The following ACOT11 variants were observed in gnomAD, a reference collection of about 807,000 sequenced individuals.
The protein encoded by ACOT11 is acyl-CoA thioesterase 11.
A neutral mutation model predicts 77.5 loss-of-function variants in ACOT11; 69 were observed. The ratio of observed to expected loss-of-function variants is 0.89; its 90% CI spans 0.73 to 1.09. The LOEUF (loss-of-function observed/expected upper bound fraction) is 1.09. Among genes scored for constraint, ACOT11 ranks in the 50% least tolerant of loss-of-function variants. The pLI is 0.00. For synonymous variants in ACOT11, 279 were observed against 313.0 expected (o/e 0.89, Z 1.15); for missense variants, 766 against 813.7 (o/e 0.94, Z 0.71).
At chr1:54,611,751 GAC>G (rs768533521), downstream of ACOT11, 2 of 1,613,968 alleles carry the variant, frequency 1.2e-6, no homozygotes, top group Admixed American at 1.7e-5. Context: ...TGTACCTGGG[GAC>G]ACGAGAGCTG....
At chr1:54,557,037 C>G (rs1351564241) in intron 1 of ACOT11, among the ~76,000 whole-genome samples, 1 of 152,072 alleles carries the variant, frequency 6.6e-6, no homozygotes, top group African/African-American at 2.4e-5. Context: ...TCCCAAGTAG[C>G]TGAGACTACA....
intron 9 of ACOT11, among the ~76,000 whole-genome samples, chr1:54,602,040 G>A (rs767238789): frequency 3.9e-5 from 6 of 152,258 alleles, no homozygotes; most frequent in African/African-American, 9.6e-5. Context: ...AGAGGGTAGC[G>A]TGGGCTGTGG....
intron 1 of ACOT11, among the ~76,000 whole-genome samples, chr1:54,581,816 C>T (rs551473997): frequency 6.6e-6 from 1 of 152,206 alleles, no homozygotes; most frequent in African/African-American, 2.4e-5. Flanking sequence ...GCTCTGGAGC[C>T]CCATTGGCCA....
rs1034181364 is a variant in ACOT11, at chr1:54,627,804, C to T, written c.1630-2930C>T. On this transcript the variant is annotated intron_variant, in intron 15 of 16. Coordinates refer to the ACOT11 transcript ENST00000371316. Reference sequence around the variant, plus strand: ...GGCTGACTCGGAGAACCATCAGGGACGGGGGCTAGGGAAGACCTTCCAGAC... The same window carrying T: ...GGCTGACTCGGAGAACCATCAGGGATGGGGGCTAGGGAAGACCTTCCAGAC... Among the ~76,000 whole-genome samples, 11 of 133,048 alleles carry T rather than the reference C, an allele frequency of 8.3e-5. 4 individuals are homozygous for T. The highest frequency in any genetic ancestry group is 6.2e-4 in the Admixed American group (8 of 12,926). 87.3% of individuals were successfully genotyped at this position (133,048 alleles called of 152,430 possible). A position where few individuals can be genotyped will look rare whatever the true frequency, so the allele number is the denominator to read the frequency against.
chr1:54,560,705 A>G (rs906243676), intron 1 of ACOT11, among the ~76,000 whole-genome samples: 4 of 150,534 alleles, frequency 2.7e-5, no homozygotes, highest in African/African-American at 9.9e-5. Flanking sequence ...CAAAAGAACA[A>G]TGTGTCAACT....
At chr1:54,581,024 T>C (rs1654286780) in intron 1 of ACOT11, among the ~76,000 whole-genome samples, 1 of 152,136 alleles carries the variant, frequency 6.6e-6, no homozygotes, top group South Asian at 2.1e-4. Flanking sequence ...CTGAGAGCAG[T>C]GGGGAGCCAT....
Position 54,637,716 on chromosome 1 carries a change from G to A in ACOT11, c.*2987G>A, listed in dbSNP as rs539911439. 881 of 151,950 alleles carry A rather than the reference G, an allele frequency of 5.8e-3. 6 individuals are homozygous for A. Among genetic ancestry groups the A allele is most frequent in the Middle Eastern group, 0.01 (3 of 292 alleles). 9.4% of individuals were successfully genotyped at this position (151,950 alleles called of 1,614,324 possible). ...GCAGGAGAATTGGTTGAACCCAGGA[G>A]GCAGAGGTTACAGTGAGCAGAGATC... On this transcript the variant is annotated 3_prime_UTR_variant, in exon 17 of 17. Transcript: ENST00000371316.
In ACOT11 at chr1:54,607,145, T is replaced by C; in HGVS notation, c.1382T>C (p.Leu461Pro). Residue 461 changes from leucine to proline, a missense_variant, in exon 14 of 16, where the codon CTA becomes CCA. Leu to Pro is a moderately conservative substitution (Grantham distance 98). Transcript: ENST00000343744. The surrounding 1 kb of genome is among the most constrained non-coding windows in gnomAD (Gnocchi z 4.5). Reference sequence around the variant, plus strand: ...CGGCCTCCCCACAGGAGCGTGGAGCTAGTGCAGCAGGTAGACGAGGACGAC... The same window carrying C: ...CGGCCTCCCCACAGGAGCGTGGAGCCAGTGCAGCAGGTAGACGAGGACGAC... ...EWDKHYRSVE[L>P]VQQVDEDDAI... is the part of the protein sequence containing the mutation. The C allele has an allele frequency of 1.2e-6, 2 of 1,614,072 alleles. No homozygotes were observed. Among genetic ancestry groups the C allele is most frequent in the South Asian group, 1.1e-5 (1 of 91,086 alleles).
rs147370366 is a variant in ACOT11 at position 54,620,036 on chromosome 1, G to A, written c.1630-10698G>A. ...GAAGGAATCCCAAGGGGCTGTTAGC[G>A]TCTGTCCTCGCCCCAGCCCAAGACT... is the stretch of plus-strand genomic sequence containing the variant. On this transcript the variant is annotated intron_variant, in intron 15 of 16. Coordinates refer to the ACOT11 transcript ENST00000371316. 4.9e-4 allele frequency: 783 copies of A among 1,609,974 alleles called. 3 individuals carry two copies. The African/African-American group carries it at 6.8e-3, about 14-fold the overall frequency.
At chr1:54,625,004 T>C (rs1414752198) in intron 15 of ACOT11, among the ~76,000 whole-genome samples, 1 of 151,984 alleles carries the variant, frequency 6.6e-6, no homozygotes, top group Non-Finnish European at 1.5e-5. Context: ...AGGGAGGTTC[T>C]GTTGGCTGGT....
intron 1 of ACOT11, among the ~76,000 whole-genome samples, chr1:54,565,125 G>C (rs1440733122): frequency 6.6e-6 from 1 of 152,142 alleles, no homozygotes. Flanking sequence ...CCTTGCTTTT[G>C]AAGACTGAAC....
rs1375424160 is a variant in ACOT11 at position 54,597,273 on chromosome 1, G to A, written c.622G>A (p.Asp208Asn). The A allele has an allele frequency of 6.2e-7, 1 of 1,612,794 alleles. No homozygotes were observed. The highest frequency in any genetic ancestry group is 1.1e-5 in the South Asian group (1 of 91,080). Reference protein sequence around the residue: ...CAIQGDLESRDCSRMVPAEKT... With the variant: ...CAIQGDLESRNCSRMVPAEKT... Reference sequence around the variant, plus strand: ...TCCCTGGTCAGATCTGGAGAGCAGAGACTGTAGCCGCATGGTGCCGGCTGA... The same window carrying A: ...TCCCTGGTCAGATCTGGAGAGCAGAAACTGTAGCCGCATGGTGCCGGCTGA... The change falls in exon 7 of 16, where the codon GAC becomes AAC. Residue 208 changes from aspartate to asparagine, a missense_variant. By Grantham distance (23) the Asp-to-Asn change is conservative. Transcript: ENST00000343744.
intron 15 of ACOT11, 118 bp downstream of exon 15, chr1:54,608,186 C>G: frequency 1.1e-6 from 1 of 942,686 alleles, no homozygotes. Flanking sequence ...AGCAGGCTCC[C>G]CCTTCCAGCC....
At chr1:54,583,805 C>T (rs566372432) in intron 1 of ACOT11, among the ~76,000 whole-genome samples, 1 of 152,328 alleles carries the variant, frequency 6.6e-6, no homozygotes, top group African/African-American at 2.4e-5. Flanking sequence ...CCATGAGAAT[C>T]GGAACCCATA....
intron 13 of ACOT11, among the ~76,000 whole-genome samples, chr1:54,605,864 T>C (rs1454520011): frequency 3.9e-5 from 6 of 152,208 alleles, no homozygotes; most frequent in Admixed American, 3.9e-4. Context: ...TTTGTGTTTT[T>C]CAAGTCCCCT....
At chr1:54,595,979 C>G (rs544966050) in intron 6 of ACOT11, among the ~76,000 whole-genome samples, 2 of 152,190 alleles carry the variant, frequency 1.3e-5, no homozygotes, top group East Asian at 3.9e-4. Flanking sequence ...GCTTGGAGGC[C>G]GGAGCTGGGG....
At chr1:54,602,598 C>T in intron 9 of ACOT11, 71 bp from the exon 10 acceptor site, 1 of 1,385,156 alleles carries the variant, frequency 7.2e-7, no homozygotes, top group Non-Finnish European at 9.5e-7. Context: ...ACTCCTTGGG[C>T]CCTGGGGGAT....
At chr1:54,622,206 G>A (rs187070428) in intron 15 of ACOT11, among the ~76,000 whole-genome samples, 115 of 150,924 alleles carry the variant, frequency 7.6e-4, no homozygotes, top group African/African-American at 2.7e-3. Flanking sequence ...AGCCCAGGGG[G>A]TGGAGGTTGC....
intron 1 of ACOT11, among the ~76,000 whole-genome samples, chr1:54,577,710 G>C (rs505224): frequency 4.6e-5 from 7 of 152,000 alleles, no homozygotes; most frequent in Non-Finnish European, 1.0e-4. Flanking sequence ...TGGTATTTCT[G>C]TGTTTAACTT....
Sources: gnomAD v4.1 joint callset for allele counts (sites outside exome capture counted in the v4.1 genomes callset) on GRCh38, gnomAD v4.1.1 for gene constraint, Gnocchi (gnomAD v3.1) non-coding constraint, MANE v1.5 for transcripts, NCBI Gene and HGNC (gene_info 2026-07-23, HGNC 2026-07-21) for gene names.